Variants in SNX30 observed in about 807,000 individuals in gnomAD.
SNX30 encodes sorting nexin-30.
SNX30 carries 24 observed loss-of-function variants against 46.4 expected under a neutral mutation model. That is an observed-to-expected ratio of 0.52 (90% CI 0.37 to 0.73). The LOEUF (loss-of-function observed/expected upper bound fraction) is 0.73, where lower values mean the gene tolerates loss of function less well. Ranked by LOEUF, SNX30 falls within the 30% of genes least tolerant of loss-of-function variation. The pLI is 0.00. For missense variants in SNX30, 533 were observed against 555.7 expected (o/e 0.96, Z 0.41); for synonymous variants, 189 against 211.5 (o/e 0.89, Z 0.92).
downstream of SNX30, among the ~76,000 whole-genome samples, chr9:112,883,561 C>G (rs1389219447): frequency 6.6e-6 from 1 of 151,628 alleles, no homozygotes; most frequent in South Asian, 2.1e-4. Flanking sequence ...GCACATAGGG[C>G]TGTTTAAGAG....
At chr9:112,879,217 G>T (rs1316306709), downstream of SNX30, 1 of 152,242 alleles carries the variant, frequency 6.6e-6, no homozygotes, top group Non-Finnish European at 1.5e-5. Context: ...AAAGAAAGCT[G>T]ACTTTTTTCA....
chr9:112,860,915 A>T (rs532236026), intron 7 of SNX30, among the ~76,000 whole-genome samples: 9 of 152,218 alleles, frequency 5.9e-5, no homozygotes, highest in South Asian at 2.1e-4. Context: ...TGCCAGGCAC[A>T]AGTGTGTCAC....
chr9:112,805,209 T>C (rs1344643503), intron 2 of SNX30, among the ~76,000 whole-genome samples: 3 of 52,848 alleles, frequency 5.7e-5, no homozygotes, highest in South Asian at 8.6e-4. Flanking sequence ...ATTTAATCCC[T>C]ATACTTGCGC....
chr9:112,814,388 A>T (rs1840365328), intron 2 of SNX30, among the ~76,000 whole-genome samples: 1 of 152,038 alleles, frequency 6.6e-6, no homozygotes, highest in African/African-American at 2.4e-5. Context: ...CTACAGGTGC[A>T]TGCCACCATG....
In SNX30 at chr9:112,868,777, G is replaced by T. The variant is rs367920655; in HGVS notation, c.1255-7G>T. ...GCTGATACTGTGTGTGTATGTTGTC[G>T]TTCCAGTGCCTCATGGCGTGGGAGT... On this transcript the variant is annotated splice_region_variant and splice_polypyrimidine_tract_variant and intron_variant, in intron 8 of 8. Transcript: ENST00000374232. The T allele has an allele frequency of 3.7e-6, 6 of 1,614,018 alleles. No homozygotes were observed. Among genetic ancestry groups the T allele is most frequent in the Non-Finnish European group, 5.1e-6 (6 of 1,179,892 alleles).
intron 3 of SNX30, among the ~76,000 whole-genome samples, chr9:112,823,731 T>A (rs1047176394): frequency 6.6e-6 from 1 of 152,186 alleles, no homozygotes; most frequent in Non-Finnish European, 1.5e-5. Context: ...ATTTTTTTTT[T>A]AATATGAAAT....
At chr9:112,789,298 C>T (rs1169349575) in intron 1 of SNX30, among the ~76,000 whole-genome samples, 1 of 152,108 alleles carries the variant, frequency 6.6e-6, no homozygotes, top group Non-Finnish European at 1.5e-5. Flanking sequence ...ATGCCTCTCG[C>T]CCTTGATTTT....
intron 1 of SNX30, among the ~76,000 whole-genome samples, chr9:112,784,750 A>G (rs530519890): frequency 9.2e-4 from 140 of 152,324 alleles, no homozygotes; most frequent in African/African-American, 2.9e-3. Flanking sequence ...TAGGAGAACT[A>G]GAATCTAAAC....
At position 112,873,494 on chromosome 9, in the gene SNX30, A is replaced by G. The variant is rs1029162964; in HGVS notation, c.*4651A>G. 2.6e-5 allele frequency: 4 copies of G among 152,226 alleles called. No individual in the cohort carries two copies. The highest frequency in any genetic ancestry group is 9.6e-5 in the African/African-American group (4 of 41,456). The allele number at this position is 152,226 out of a possible 1,614,324, so 9.4% of individuals were successfully genotyped here. On this transcript the variant is annotated 3_prime_UTR_variant, in exon 9 of 9. Transcript: ENST00000374232. ...AGCTTCAATAATATAGAGATCTAAC[A>G]TAGTCAGTCCTCAGGCCCCCTAAAG...
intron 6 of SNX30, among the ~76,000 whole-genome samples, chr9:112,850,558 C>T (rs1248902960): frequency 4.6e-5 from 7 of 152,372 alleles, no homozygotes; most frequent in Non-Finnish European, 7.3e-5. Context: ...CTCCCAGCAG[C>T]GTGACAATGG....
At chr9:112,815,604 GC>G in intron 2 of SNX30, among the ~76,000 whole-genome samples, 1 of 152,220 alleles carries the variant, frequency 6.6e-6, no homozygotes, top group South Asian at 2.1e-4. Context: ...CAAATGATCA[GC>G]CCACCTCGGC....
At chr9:112,838,958 TAAG>T (rs1840813234) in intron 6 of SNX30, among the ~76,000 whole-genome samples, 1 of 152,012 alleles carries the variant, frequency 6.6e-6, no homozygotes, top group South Asian at 2.1e-4. Context: ...GCCTATGAAA[TAAG>T]AACAAAGATG....
intron 7 of SNX30, among the ~76,000 whole-genome samples, chr9:112,862,549 T>C (rs1841255187): frequency 6.6e-6 from 1 of 152,042 alleles, no homozygotes; most frequent in Admixed American, 6.5e-5. Context: ...AGGTAACCAA[T>C]AGTAATGGGT....
intron 6 of SNX30, among the ~76,000 whole-genome samples, chr9:112,838,978 A>T (rs1393535670): frequency 6.6e-6 from 1 of 152,250 alleles, no homozygotes; most frequent in Non-Finnish European, 1.5e-5. Context: ...GATGCCATGG[A>T]AAAGTAATAA....
At chr9:112,752,777 A>G (rs1223414258) in intron 1 of SNX30, among the ~76,000 whole-genome samples, 1 of 152,222 alleles carries the variant, frequency 6.6e-6, no homozygotes, top group Non-Finnish European at 1.5e-5. Flanking sequence ...ACCTGGAAAT[A>G]GTGTCTGTGG....
chr9:112,794,856 T>C (rs1272147437), intron 1 of SNX30, among the ~76,000 whole-genome samples: 1 of 152,210 alleles, frequency 6.6e-6, no homozygotes, highest in Non-Finnish European at 1.5e-5. Flanking sequence ...AACCTCACTC[T>C]GCATCTGTCT....
Position 112,766,923 on chromosome 9 carries a change from A to G in SNX30, c.156+15766A>G, listed in dbSNP as rs377060927. On this transcript the variant is annotated intron_variant, in intron 1 of 8. Coordinates refer to ENST00000374232, the MANE Select transcript of SNX30 (RefSeq NM_001012994.2). ...GAACAATGCTGCAATGAACATGGTT[A>G]TGCAAATATCTCTTTGAGACCTTCT... 1.1e-4 allele frequency among the ~76,000 whole-genome samples: 17 copies of G among 152,308 alleles called. No individual in the cohort carries two copies. In the East Asian group the frequency reaches 1.2e-3, roughly 10 times the overall value.
intron 2 of SNX30, among the ~76,000 whole-genome samples, chr9:112,806,225 G>C (rs960763445): frequency 1.3e-5 from 2 of 152,094 alleles, no homozygotes. Context: ...AATGTTCCCT[G>C]GGGGACAGGA....
intron 1 of SNX30, among the ~76,000 whole-genome samples, chr9:112,778,572 C>T (rs959894292): frequency 6.6e-6 from 1 of 152,108 alleles, no homozygotes; most frequent in Non-Finnish European, 1.5e-5. Flanking sequence ...GCGCCCGGCC[C>T]GGCCATATTC....
Sources: allele counts gnomAD v4.1 joint callset (sites outside exome capture counted in the v4.1 genomes callset), GRCh38; gene constraint gnomAD v4.1.1; transcripts MANE v1.5; gene names NCBI Gene and HGNC (gene_info 2026-07-23, HGNC 2026-07-21).